Variants in PRRX2 observed in about 807,000 individuals in gnomAD.
PRRX2 encodes paired related homeobox 2.
PRRX2 carries 11 observed loss-of-function variants against 18.0 expected under a neutral mutation model. The ratio of observed to expected loss-of-function variants is 0.61; its 90% CI spans 0.39 to 1.01. PRRX2 has a LOEUF of 1.01. PRRX2 is among the 50% of genes least tolerant of loss of function. The pLI is 0.01. For missense variants in PRRX2, 387 were observed against 351.0 expected (o/e 1.10, Z -0.82); for synonymous variants, 177 against 154.8 (o/e 1.14, Z -1.06).
At chr9:129,684,513 CACA>C (rs1564147443) in intron 1 of PRRX2, among the ~76,000 whole-genome samples, 2 of 44,294 alleles carry the variant, frequency 4.5e-5, no homozygotes, top group East Asian at 5.0e-4. Context: ...CACACACACA[CACA>C]CACACACCCA....
intron 1 of PRRX2, among the ~76,000 whole-genome samples, chr9:129,680,200 G>A (rs1207129892): frequency 1.3e-5 from 2 of 151,906 alleles, no homozygotes; most frequent in Non-Finnish European, 1.5e-5. Flanking sequence ...TCAAGAGTTC[G>A]AGACCTGCCT....
At chr9:129,713,799 T>A (rs1465565218) in intron 1 of PRRX2, among the ~76,000 whole-genome samples, 1 of 150,846 alleles carries the variant, frequency 6.6e-6, no homozygotes, top group Non-Finnish European at 1.5e-5. Flanking sequence ...CCTGGCTAAT[T>A]TATTTATTTA....
chr9:129,666,604 A>T (rs555408555), intron 1 of PRRX2, among the ~76,000 whole-genome samples: 1 of 118,808 alleles, frequency 8.4e-6, no homozygotes, highest in East Asian at 2.9e-4. Context: ...CCCCGGGAGC[A>T]GCTGCCTCGG....
chr9:129,694,987 T>C (rs1213623476), intron 1 of PRRX2, among the ~76,000 whole-genome samples: 3 of 152,094 alleles, frequency 2.0e-5, no homozygotes, highest in Non-Finnish European at 4.4e-5. Context: ...ATGAAAGGGC[T>C]CACCATGGAG....
intron 1 of PRRX2, among the ~76,000 whole-genome samples, chr9:129,692,872 T>C (rs1407990147): frequency 6.6e-6 from 1 of 152,216 alleles, no homozygotes; most frequent in African/African-American, 2.4e-5. Flanking sequence ...TGGGCAGGCC[T>C]TTTTGTGGAC....
chr9:129,666,579 C>CCT, intron 1 of PRRX2, among the ~76,000 whole-genome samples: 1 of 144,130 alleles, frequency 6.9e-6, no homozygotes, highest in African/African-American at 2.6e-5. Context: ...CCACCCCCCC[C>CCT]CACCCTCCAG....
chr9:129,700,122 T>TTA (rs1385790936), intron 1 of PRRX2, among the ~76,000 whole-genome samples: 1 of 152,100 alleles, frequency 6.6e-6, no homozygotes, highest in Non-Finnish European at 1.5e-5. Context: ...TTTAAGAACC[T>TTA]TATATATATA....
chr9:129,718,599 C>A (rs1439796705), intron 1 of PRRX2: 1 of 152,192 alleles, frequency 6.6e-6, no homozygotes, highest in Non-Finnish European at 1.5e-5. Flanking sequence ...GATCCTTCCA[C>A]CAACAATGAC....
At chr9:129,667,975 T>C (rs1832048088) in intron 1 of PRRX2, among the ~76,000 whole-genome samples, 1 of 152,082 alleles carries the variant, frequency 6.6e-6, no homozygotes. Context: ...TGGGACACAC[T>C]GGGTGTGGGA....
At chr9:129,718,103 G>C (rs1380929584) in intron 1 of PRRX2, among the ~76,000 whole-genome samples, 1 of 151,110 alleles carries the variant, frequency 6.6e-6, no homozygotes, top group African/African-American at 2.4e-5. Context: ...TGGGCCCAGA[G>C]GTTGCCACTC....
intron 1 of PRRX2, among the ~76,000 whole-genome samples, chr9:129,697,418 CG>C (rs1407744254): frequency 6.6e-6 from 1 of 151,624 alleles, no homozygotes; most frequent in African/African-American, 2.4e-5. Flanking sequence ...GGGCTGGGCG[CG>C]GGATCTATTA....
chr9:129,703,737 T>C (rs12340578), intron 1 of PRRX2, among the ~76,000 whole-genome samples: 49,983 of 151,960 alleles, frequency 0.33, 8,804 homozygotes, highest in East Asian at 0.57. Context: ...CATGCTGCGG[T>C]GAGGGGCGCG....
chr9:129,712,511 T>C (rs1219717574), intron 1 of PRRX2, among the ~76,000 whole-genome samples: 1 of 152,214 alleles, frequency 6.6e-6, no homozygotes, highest in Non-Finnish European at 1.5e-5. Flanking sequence ...AGCAGAGTTT[T>C]TAAATGCCTT....
chr9:129,685,165 C>A (rs998277011), intron 1 of PRRX2, among the ~76,000 whole-genome samples: 1 of 152,168 alleles, frequency 6.6e-6, no homozygotes, highest in African/African-American at 2.4e-5. Context: ...TACCTGGTTC[C>A]AAGCACAGGC....
At chr9:129,721,633 G>A (rs1204516146) in intron 3 of PRRX2, among the ~76,000 whole-genome samples, 2 of 152,238 alleles carry the variant, frequency 1.3e-5, no homozygotes, top group African/African-American at 4.8e-5. Context: ...AGGCTGGAGT[G>A]CAGTGGTGCA....
At chr9:129,676,711 C>T (rs371574503) in intron 1 of PRRX2, among the ~76,000 whole-genome samples, 2 of 152,184 alleles carry the variant, frequency 1.3e-5, no homozygotes, top group East Asian at 1.9e-4. Context: ...ACTAACCCTG[C>T]GGGCTTGGAA....
chr9:129,720,621 A>G lies in PRRX2; in HGVS notation c.473A>G (p.Lys158Arg), dbSNP rs762716963. The G allele has an allele frequency of 1.9e-6, 3 of 1,611,868 alleles. No homozygotes were observed. Among genetic ancestry groups the G allele is most frequent in the South Asian group, 2.2e-5 (2 of 90,734 alleles). ...VQVWFQNRRAKFRRNERAMLA... is the reference protein window; with the variant it reads ...VQVWFQNRRARFRRNERAMLA... ...GTCTGGTTTCAGAACCGCCGCGCCA[A>G]GTTCCGCAGGAATGAAAGGGCCATG... The change falls in exon 3 of 4, where the codon AAG (lysine) becomes AGG (arginine). Residue 158 changes from lysine to arginine, a missense_variant. Physicochemically the swap from Lys to Arg is conservative, Grantham distance 26. Coordinates refer to ENST00000372469, the MANE Select transcript of PRRX2 (RefSeq NM_016307.4).
intron 1 of PRRX2, among the ~76,000 whole-genome samples, chr9:129,699,437 ATATG>A (rs750748877): frequency 9.3e-5 from 13 of 140,454 alleles, no homozygotes; most frequent in African/African-American, 2.0e-4. Flanking sequence ...AAAAATATAT[ATATG>A]TGTGTGTGTG....
intron 1 of PRRX2, among the ~76,000 whole-genome samples, chr9:129,666,439 A>G (rs1208491072): frequency 2.0e-5 from 3 of 152,100 alleles, no homozygotes; most frequent in Admixed American, 6.5e-5. Context: ...GGGGAAACAG[A>G]GACCTGAGTC....
Sources: allele counts gnomAD v4.1 joint callset (sites outside exome capture counted in the v4.1 genomes callset), GRCh38; gene constraint gnomAD v4.1.1; transcripts MANE v1.5; gene names NCBI Gene and HGNC (gene_info 2026-07-23, HGNC 2026-07-21).